The following SLA2 variants were observed in gnomAD, a reference collection of about 807,000 sequenced individuals.
The protein encoded by SLA2 is src-like-adapter 2.
In SLA2, 22 loss-of-function variants were observed where a neutral mutation model predicts 27.3. That is an observed-to-expected ratio of 0.81 (90% CI 0.58 to 1.15). The LOEUF (loss-of-function observed/expected upper bound fraction) is 1.15. Among genes scored for constraint, SLA2 ranks in the 50% most tolerant of loss-of-function variants. The pLI, the probability that SLA2 is intolerant of heterozygous loss-of-function variation, is 0.00. For synonymous variants in SLA2, 131 were observed against 137.8 expected, an observed-to-expected ratio of 0.95 and a Z score of 0.34; for missense variants, 304 against 322.2, an observed-to-expected ratio of 0.94 and a Z score of 0.43.
At chr20:36,614,535 C>T in intron 6 of SLA2, 98 bp from the exon 7 acceptor site, 1 of 1,499,222 alleles carries the variant, frequency 6.7e-7, no homozygotes, top group Non-Finnish European at 8.8e-7. Context: ...CAGGAGGGGG[C>T]ATGGTTACCA....
At chr20:36,634,451 A>G (rs750540119) in intron 3 of SLA2, 39 bp downstream of exon 3, 63 of 1,431,648 alleles carry the variant, frequency 4.4e-5, no homozygotes, top group Admixed American at 1.3e-4. Flanking sequence ...GCCTGGCTCT[A>G]TTAGTGCATA....
intron 5 of SLA2, among the ~76,000 whole-genome samples, chr20:36,625,335 G>A (rs1465401337): frequency 6.8e-6 from 1 of 146,530 alleles, no homozygotes; most frequent in Non-Finnish European, 1.5e-5. Context: ...CAATTCTCCT[G>A]CCTCAGCCTC....
rs2147974060 is a variant in SLA2, at chr20:36,614,398, C to A, written c.572G>T (p.Cys191Phe). 6.2e-7 allele frequency: 1 copy of A among 1,613,376 alleles called. No homozygotes were observed. The highest frequency in any genetic ancestry group is 1.1e-5 in the South Asian group (1 of 91,030). Reference sequence around the variant, plus strand: ...GAGCGGGCCAGCCCTCTGCAGGACACAGGGCTCCTTGAGTAGGCAGCAGAT... The same window carrying A: ...GAGCGGGCCAGCCCTCTGCAGGACAAAGGGCTCCTTGAGTAGGCAGCAGAT... ...DDICCLLKEP[C>F]VLQRAGPLPG... Residue 191 changes from cysteine (C) to phenylalanine (F), a missense_variant, in exon 7 of 8, where the codon TGT (cysteine) becomes TTT (phenylalanine). Cys to Phe is a radical substitution (Grantham distance 205). Coordinates refer to ENST00000262866, the MANE Select transcript of SLA2 (RefSeq NM_032214.4).
In SLA2 at chr20:36,613,698, C is replaced by T. The variant is rs2039168865; in HGVS notation, c.*168G>A. 1.3e-6 allele frequency: 1 copy of T among 768,146 alleles called. No individual in the cohort carries two copies. The highest frequency in any genetic ancestry group is 1.8e-5 in the African/African-American group (1 of 56,770). The allele number at this position is 768,146 out of a possible 1,614,324, so 47.6% of individuals were successfully genotyped here. On this transcript the variant is annotated 3_prime_UTR_variant, in exon 8 of 8. Transcript: ENST00000262866. ...GGCACTGGAAGGAAGTAGGTGACTT[C>T]TAAGGGCTAAGAGAGGAAAGAGCAA...
At position 36,614,371 on chromosome 20, in the gene SLA2, G is replaced by A; in HGVS notation, c.599C>T (p.Pro200Leu). Residue 200 changes from proline to leucine, a missense_variant, in exon 7 of 8, where the codon CCT becomes CTT. By Grantham distance (98) the Pro-to-Leu change is moderately conservative. Transcript: ENST00000262866. ...PCVLQRAGPL[P>L]GKDIPLPVTV... ...CACAGGTAGGGGTATATCCTTGCCA[G>A]GGAGCGGGCCAGCCCTCTGCAGGAC... 1 of 1,614,178 alleles carries A rather than the reference G, an allele frequency of 6.2e-7. No individual in the cohort carries two copies. Among genetic ancestry groups the A allele is most frequent in the South Asian group, 1.1e-5 (1 of 91,084 alleles).
chr20:36,626,842 CAAA>C lies in SLA2; in HGVS notation c.382+5750_382+5752del, dbSNP rs539777775. ...CCTGGGCGACAGCAAGACTCCATCT[CAAA>C]AAAAAAAAAAAAAAGAGGAAAAGAA... is the stretch of plus-strand genomic sequence containing the variant. On this transcript the variant is annotated intron_variant, in intron 5 of 7. Transcript: ENST00000262866. 1.0e-4 allele frequency among the ~76,000 whole-genome samples: 8 copies of C among 77,486 alleles called. No homozygotes were observed. In the East Asian group the frequency reaches 1.5e-3, roughly 15 times the overall value. 50.8% of individuals were successfully genotyped at this position (77,486 alleles called of 152,430 possible).
intron 5 of SLA2, among the ~76,000 whole-genome samples, chr20:36,627,871 T>G (rs1213504691): frequency 6.6e-6 from 1 of 152,194 alleles, no homozygotes; most frequent in Non-Finnish European, 1.5e-5. Flanking sequence ...CAGGCCTTCC[T>G]CCTTGGTCCA....
At chr20:36,637,147 C>G (rs1056061994) in intron 2 of SLA2, among the ~76,000 whole-genome samples, 3 of 150,820 alleles carry the variant, frequency 2.0e-5, no homozygotes, top group Admixed American at 6.6e-5. Context: ...GTGAGGTGAC[C>G]CTTGTTCTAT....
chr20:36,640,662 A>G (rs2039497574), intron 2 of SLA2, among the ~76,000 whole-genome samples: 1 of 151,926 alleles, frequency 6.6e-6, no homozygotes, highest in Non-Finnish European at 1.5e-5. Context: ...GATTACAGGC[A>G]CCCACCACCA....
chr20:36,615,494 G>C, intron 5 of SLA2, 120 bp from the exon 6 acceptor site: 1 of 1,061,130 alleles, frequency 9.4e-7, no homozygotes, highest in Non-Finnish European at 1.4e-6. Flanking sequence ...AAGTGTCTGG[G>C]GCAGAAGCAG....
intron 5 of SLA2, 26 bp from the exon 6 acceptor site, chr20:36,615,400 G>C (rs202240374): frequency 1.2e-6 from 2 of 1,612,146 alleles, no homozygotes; most frequent in African/African-American, 2.7e-5. Flanking sequence ...TCCAGGGGTG[G>C]CACTGAGGCC....
intron 2 of SLA2, among the ~76,000 whole-genome samples, chr20:36,640,915 C>CGGTGTTT (rs1158784539): frequency 1.3e-5 from 2 of 152,044 alleles, no homozygotes; most frequent in East Asian, 3.9e-4. Flanking sequence ...CTGGCCAGCT[C>CGGTGTTT]GGTGTTTGGA....
At chr20:36,640,848 G>A (rs951216513) in intron 2 of SLA2, among the ~76,000 whole-genome samples, 2 of 152,140 alleles carry the variant, frequency 1.3e-5, no homozygotes, top group East Asian at 1.9e-4. Flanking sequence ...AAGCAGTTAC[G>A]TGTGGCTGGT....
At chr20:36,620,384 AAAATAAAAT>A (rs745700635) in intron 5 of SLA2, 1 of 177,656 alleles carries the variant, frequency 5.6e-6, no homozygotes, top group Non-Finnish European at 1.2e-5. Flanking sequence ...CTGTCTCAAA[AAAATAAAAT>A]AAATAAAATA....
At chr20:36,638,741 T>G (rs1002820388) in intron 2 of SLA2, among the ~76,000 whole-genome samples, 1 of 152,274 alleles carries the variant, frequency 6.6e-6, no homozygotes, top group Non-Finnish European at 1.5e-5. Flanking sequence ...TGAAGTAGTG[T>G]GATCTTGTTA....
Position 36,613,864 on chromosome 20 carries a change from G to A in SLA2, c.*2C>T. The stretch of plus-strand genomic sequence containing the variant: ...GTTTCCCTTTTGGCCTCTCCTTTGG[G>A]CCTAGGCATCATCCAAAGAGACAGC... On this transcript the variant is annotated 3_prime_UTR_variant, in exon 8 of 8. Transcript: ENST00000262866. The A allele has an allele frequency of 6.2e-7, 1 of 1,613,440 alleles. No homozygotes were observed. Among genetic ancestry groups the A allele is most frequent in the Middle Eastern group, 1.7e-4 (1 of 6,056 alleles).
intron 5 of SLA2, among the ~76,000 whole-genome samples, chr20:36,623,740 T>C (rs2147983592): frequency 6.6e-6 from 1 of 152,238 alleles, no homozygotes; most frequent in Admixed American, 6.5e-5. Context: ...GTGATCCTGT[T>C]GCCTCAGCCT....
intron 2 of SLA2, 72 bp downstream of exon 2, chr20:36,641,173 G>A (rs1217187176): frequency 2.3e-6 from 3 of 1,289,862 alleles, no homozygotes; most frequent in Non-Finnish European, 3.4e-6. Flanking sequence ...TGCTGGCCAG[G>A]AAGGCCCACA....
At chr20:36,622,443 T>TA (rs58568342) in intron 5 of SLA2, among the ~76,000 whole-genome samples, 124 of 141,104 alleles carry the variant, frequency 8.8e-4, no homozygotes, top group East Asian at 8.2e-3. Flanking sequence ...CCTTCATGAT[T>TA]AAAAAAAAAA....
Sources: allele counts gnomAD v4.1 joint callset (sites outside exome capture counted in the v4.1 genomes callset), GRCh38; gene constraint gnomAD v4.1.1; transcripts MANE v1.5; gene names NCBI Gene and HGNC (gene_info 2026-07-23, HGNC 2026-07-21).